Variants in TENM3 observed in about 807,000 individuals in gnomAD.
TENM3 encodes the protein teneurin-3.
In TENM3, 63 loss-of-function variants were observed where a neutral mutation model predicts 255.1. That is an observed-to-expected ratio of 0.25 (90% CI 0.20 to 0.30). The LOEUF (loss-of-function observed/expected upper bound fraction) is 0.30, where lower values mean the gene tolerates loss of function less well. Among genes scored for constraint, TENM3 ranks in the 10% least tolerant of loss-of-function variants. The pLI is 1.00. For synonymous variants in TENM3, 1,306 were observed against 1,322.3 expected (o/e 0.99, Z 0.27); for missense variants, 2,929 against 3,461.1 (o/e 0.85, Z 3.86).
the TENM3 span, among the ~76,000 whole-genome samples, chr4:181,921,632 G>A: frequency 6.6e-6 from 1 of 152,110 alleles, no homozygotes; most frequent in Non-Finnish European, 1.5e-5. Flanking sequence ...AGGAGATTTT[G>A]GGCTGAGACA....
chr4:181,527,554 A>G, the TENM3 span, among the ~76,000 whole-genome samples: 1 of 151,834 alleles, frequency 6.6e-6, no homozygotes, highest in Non-Finnish European at 1.5e-5. Context: ...TTTTTAGTAG[A>G]AACGGGGTTT....
intron 3 of TENM3, among the ~76,000 whole-genome samples, chr4:182,513,143 T>C (rs1402363951): frequency 1.3e-5 from 2 of 152,176 alleles, no homozygotes; most frequent in Non-Finnish European, 2.9e-5. Flanking sequence ...TTGGAAATAG[T>C]CTCAGTGTTT....
the TENM3 span, among the ~76,000 whole-genome samples, chr4:181,978,235 G>A: frequency 6.6e-6 from 1 of 152,174 alleles, no homozygotes; most frequent in Admixed American, 6.5e-5. Context: ...CTACATGGTG[G>A]GAACCGAGGC....
At chr4:181,648,717 A>C in the TENM3 span, among the ~76,000 whole-genome samples, 1 of 152,334 alleles carries the variant, frequency 6.6e-6, no homozygotes, top group East Asian at 1.9e-4. Context: ...CAAGAGAATT[A>C]ATTCTAAACC....
At chr4:181,689,848 C>T in the TENM3 span, among the ~76,000 whole-genome samples, 1 of 152,112 alleles carries the variant, frequency 6.6e-6, no homozygotes, top group African/African-American at 2.4e-5. Context: ...GTTACGGATA[C>T]ATCCCCCTAC....
intron 1 of TENM3, among the ~76,000 whole-genome samples, chr4:182,320,619 C>T (rs939905193): frequency 1.3e-5 from 2 of 152,170 alleles, no homozygotes; most frequent in African/African-American, 4.8e-5. Context: ...AGTAAAACCC[C>T]ATTTTCAAAT....
the TENM3 span, among the ~76,000 whole-genome samples, chr4:181,472,456 T>C: frequency 6.6e-6 from 1 of 150,842 alleles, no homozygotes; most frequent in Non-Finnish European, 1.5e-5. Flanking sequence ...GCAGGAAGGG[T>C]GGGCCCCCCA....
the TENM3 span, among the ~76,000 whole-genome samples, chr4:181,450,690 A>AG: frequency 2.0e-5 from 3 of 152,200 alleles, no homozygotes; most frequent in African/African-American, 7.2e-5. Context: ...AACCTTCCTC[A>AG]GTAGAAGGCA....
the TENM3 span, among the ~76,000 whole-genome samples, chr4:182,018,710 C>T: frequency 6.6e-6 from 1 of 152,086 alleles, no homozygotes; most frequent in Non-Finnish European, 1.5e-5. Context: ...TTTGCTGTTT[C>T]CTATTGCATA....
chr4:181,667,640 C>T, the TENM3 span, among the ~76,000 whole-genome samples: 2 of 152,134 alleles, frequency 1.3e-5, no homozygotes, highest in South Asian at 4.1e-4. Context: ...TCTACCATGG[C>T]ATGATGCAGC....
the TENM3 span, among the ~76,000 whole-genome samples, chr4:181,855,097 C>A: frequency 2.0e-5 from 3 of 152,000 alleles, no homozygotes; most frequent in South Asian, 6.2e-4. Context: ...TGTGAAATAA[C>A]GTTGATGCAA....
intron 1 of TENM3, among the ~76,000 whole-genome samples, chr4:182,322,253 A>T (rs1763101057): frequency 6.6e-6 from 1 of 152,252 alleles, no homozygotes; most frequent in East Asian, 1.9e-4. Context: ...AAATCAAGAT[A>T]TATTCCAAGA....
the TENM3 span, among the ~76,000 whole-genome samples, chr4:181,786,307 A>C: frequency 6.6e-6 from 1 of 152,220 alleles, no homozygotes. Flanking sequence ...AAAATCTAGC[A>C]AAAGGCAGAT....
chr4:182,148,018 A>G (rs1750082835), intron 1 of TENM3, among the ~76,000 whole-genome samples: 1 of 150,844 alleles, frequency 6.6e-6, no homozygotes, highest in South Asian at 2.1e-4. Context: ...TTTGTGCTTC[A>G]AAATAAAATA....
the TENM3 span, among the ~76,000 whole-genome samples, chr4:181,989,294 G>T: frequency 6.6e-6 from 1 of 151,980 alleles, no homozygotes; most frequent in Non-Finnish European, 1.5e-5. Flanking sequence ...GCACAAAGAG[G>T]GATGGAAGCA....
chr4:182,477,123 T>A (rs570751414), intron 3 of TENM3, among the ~76,000 whole-genome samples: 34 of 152,356 alleles, frequency 2.2e-4, no homozygotes, highest in Middle Eastern at 3.4e-3. Flanking sequence ...GGCTGCTGTG[T>A]ATATTGGTAC....
At chr4:182,273,429 A>T (rs1437468452) in intron 1 of TENM3, among the ~76,000 whole-genome samples, 4 of 152,242 alleles carry the variant, frequency 2.6e-5, no homozygotes, top group Non-Finnish European at 5.9e-5. Context: ...CAGATAATTC[A>T]CTTGGGGGAA....
chr4:182,247,429 A>G (rs746133258), intron 1 of TENM3, among the ~76,000 whole-genome samples: 4 of 152,212 alleles, frequency 2.6e-5, no homozygotes, highest in Admixed American at 6.5e-5. Context: ...GAAAGGGGCC[A>G]TGGCTAAGGC....
chr4:181,949,365 G>A, the TENM3 span, among the ~76,000 whole-genome samples: 3 of 152,158 alleles, frequency 2.0e-5, no homozygotes, highest in African/African-American at 7.2e-5. Context: ...CAGAAGACTA[G>A]GGATGGAAAG....
Sources: allele counts gnomAD v4.1 joint callset (sites outside exome capture counted in the v4.1 genomes callset), GRCh38; gene constraint gnomAD v4.1.1; transcripts MANE v1.5; gene names NCBI Gene and HGNC (gene_info 2026-07-23, HGNC 2026-07-21).